The following COL19A1 variants were observed in gnomAD, a reference collection of about 807,000 sequenced individuals.
COL19A1 encodes collagen alpha-1(XIX) chain.
COL19A1 carries 159 observed loss-of-function variants against 190.2 expected under a neutral mutation model. The observed-to-expected ratio is 0.84, with a 90% CI of 0.73 to 0.95. The LOEUF is 0.95. COL19A1 is among the 40% of genes least tolerant of loss of function. The pLI is 0.00. For synonymous variants in COL19A1, 509 were observed against 458.9 expected (o/e 1.11, Z -1.39); for missense variants, 1,418 against 1,431.9 (o/e 0.99, Z 0.16).
intron 14 of COL19A1, among the ~76,000 whole-genome samples, chr6:70,047,404 G>T (rs1265527735): frequency 6.6e-6 from 1 of 152,006 alleles, no homozygotes; most frequent in Non-Finnish European, 1.5e-5. Context: ...CAAATATAAT[G>T]TATCCAAGGT....
chr6:69,985,147 C>G (rs1776245166), intron 11 of COL19A1, among the ~76,000 whole-genome samples: 1 of 152,118 alleles, frequency 6.6e-6, no homozygotes. Flanking sequence ...CTGAATTCCT[C>G]ACTATTGAAA....
chr6:69,887,008 G>T (rs1320955101), intron 2 of COL19A1, among the ~76,000 whole-genome samples: 1 of 152,030 alleles, frequency 6.6e-6, no homozygotes, highest in Non-Finnish European at 1.5e-5. Flanking sequence ...AATGGCATTT[G>T]ATTTTTATAA....
Position 69,921,256 on chromosome 6 carries a change from C to CAT in COL19A1, c.267-6650_267-6649dup, listed in dbSNP as rs1417500727. The stretch of plus-strand genomic sequence containing the variant: ...TTATATATCCATATATGTCATATAT[C>CAT]ATATCATATATCATATATATCATAT... On this transcript the variant is annotated intron_variant, in intron 4 of 50. Coordinates refer to ENST00000620364, the MANE Select transcript of COL19A1 (RefSeq NM_001858.6). 7.9e-5 allele frequency among the ~76,000 whole-genome samples: 10 copies of CAT among 125,854 alleles called. No homozygotes were observed. The South Asian group carries it at 1.4e-3, about 18-fold the overall frequency. 82.6% of individuals were successfully genotyped at this position (125,854 alleles called of 152,430 possible). A position where few individuals can be genotyped will look rare whatever the true frequency, so the allele number is the denominator to read the frequency against.
intron 14 of COL19A1, among the ~76,000 whole-genome samples, chr6:70,041,758 A>T (rs1711981590): frequency 6.6e-6 from 1 of 152,180 alleles, no homozygotes; most frequent in African/African-American, 2.4e-5. Context: ...AAAAATTAAA[A>T]TTTTTAAATC....
intron 11 of COL19A1, among the ~76,000 whole-genome samples, chr6:69,977,331 T>C (rs993059808): frequency 6.1e-5 from 9 of 146,770 alleles, no homozygotes; most frequent in Non-Finnish European, 1.3e-4. Context: ...CCAAACACCA[T>C]ATGTTCTCAC....
chr6:70,188,489 A>G (rs1766664335), intron 47 of COL19A1, among the ~76,000 whole-genome samples: 1 of 152,220 alleles, frequency 6.6e-6, no homozygotes, highest in Non-Finnish European at 1.5e-5. Flanking sequence ...GCCCAGTTTT[A>G]TAAACGCATA....
intron 6 of COL19A1, among the ~76,000 whole-genome samples, chr6:69,930,260 G>A (rs894284260): frequency 5.3e-5 from 8 of 152,156 alleles, no homozygotes; most frequent in Admixed American, 5.2e-4. Flanking sequence ...AACCCTTTTG[G>A]ATAAAAAGTT....
chr6:70,037,674 T>C (rs527544391), intron 14 of COL19A1, among the ~76,000 whole-genome samples: 1 of 152,348 alleles, frequency 6.6e-6, no homozygotes, highest in African/African-American at 2.4e-5. Flanking sequence ...TTTCAACTCA[T>C]GTTGGAAGAC....
intron 6 of COL19A1, 38 bp downstream of exon 6, chr6:69,929,738 T>G (rs1562008296): frequency 6.5e-7 from 1 of 1,530,016 alleles, no homozygotes; most frequent in Non-Finnish European, 8.7e-7. Context: ...GAACTAAAAT[T>G]TCTAAGTAAA....
intron 11 of COL19A1, among the ~76,000 whole-genome samples, chr6:69,964,048 G>A (rs1259754098): frequency 2.0e-5 from 3 of 152,126 alleles, no homozygotes; most frequent in Non-Finnish European, 4.4e-5. Context: ...TGTATGTATG[G>A]AATTGGATGG....
intron 16 of COL19A1, among the ~76,000 whole-genome samples, chr6:70,110,612 C>T (rs543531768): frequency 5.3e-5 from 8 of 152,244 alleles, no homozygotes; most frequent in Admixed American, 2.6e-4. Flanking sequence ...TGTGTGACCA[C>T]AGAATACATA....
At chr6:70,203,863 A>C (rs1767699034) in intron 49 of COL19A1, among the ~76,000 whole-genome samples, 2 of 144,316 alleles carry the variant, frequency 1.4e-5, no homozygotes, top group African/African-American at 5.7e-5. Context: ...CATCCTGTAG[A>C]ATTTTTTTTT....
At chr6:70,105,573 G>A (rs1783903030) in intron 16 of COL19A1, among the ~76,000 whole-genome samples, 1 of 152,120 alleles carries the variant, frequency 6.6e-6, no homozygotes, top group Non-Finnish European at 1.5e-5. Context: ...CCCCTTAATT[G>A]TGGACATTTT....
chr6:69,867,293 G>A (rs910337550), intron 1 of COL19A1: 2 of 152,894 alleles, frequency 1.3e-5, no homozygotes, highest in South Asian at 3.9e-4. Context: ...GCCCCACCAC[G>A]TTCCGGAGCG....
chr6:69,961,578 A>G (rs1774800050), intron 10 of COL19A1, among the ~76,000 whole-genome samples: 1 of 152,232 alleles, frequency 6.6e-6, no homozygotes, highest in African/African-American at 2.4e-5. Flanking sequence ...ATTTTAGGAA[A>G]AATGGTAGAA....
At chr6:69,942,298 T>A (rs766862691) in intron 9 of COL19A1, among the ~76,000 whole-genome samples, 2 of 152,184 alleles carry the variant, frequency 1.3e-5, no homozygotes. Flanking sequence ...TTTCATTCAT[T>A]TATACAATCT....
At chr6:69,919,679 G>A (rs1013328232) in intron 4 of COL19A1, among the ~76,000 whole-genome samples, 5 of 152,064 alleles carry the variant, frequency 3.3e-5, no homozygotes, top group African/African-American at 1.2e-4. Flanking sequence ...TTGCTTCAGA[G>A]TTAATAAAAT....
intron 11 of COL19A1, among the ~76,000 whole-genome samples, chr6:69,987,630 C>G (rs984012911): frequency 2.0e-5 from 3 of 152,172 alleles, no homozygotes; most frequent in African/African-American, 7.2e-5. Flanking sequence ...TAAGCACCAC[C>G]GTTTGTATCA....
chr6:69,993,195 C>T (rs1323983447), intron 11 of COL19A1, among the ~76,000 whole-genome samples: 1 of 151,956 alleles, frequency 6.6e-6, no homozygotes, highest in Non-Finnish European at 1.5e-5. Flanking sequence ...ATAAGCCTTT[C>T]CTTCATCTAT....
Sources: gnomAD v4.1 joint callset for allele counts (sites outside exome capture counted in the v4.1 genomes callset) on GRCh38, gnomAD v4.1.1 for gene constraint, MANE v1.5 for transcripts, NCBI Gene and HGNC (gene_info 2026-07-23, HGNC 2026-07-21) for gene names.